RBFOX3: variants seen among roughly 807,000 people sequenced by gnomAD.
RBFOX3 encodes the protein RNA binding fox-1 homolog 3.
A neutral mutation model predicts 48.7 loss-of-function variants in RBFOX3; 17 were observed. That is an observed-to-expected ratio of 0.35 (90% CI 0.24 to 0.52). The LOEUF is 0.52. RBFOX3 is among the 20% of genes least tolerant of loss of function. RBFOX3 has a pLI of 0.94. For missense variants in RBFOX3, 382 were observed against 497.5 expected (o/e 0.77, Z 2.21); for synonymous variants, 212 against 209.5 (o/e 1.01, Z -0.10).
intron 2 of RBFOX3, among the ~76,000 whole-genome samples, chr17:79,336,241 G>T (rs1409214706): frequency 6.6e-6 from 1 of 152,010 alleles, no homozygotes; most frequent in Non-Finnish European, 1.5e-5. Context: ...ACAAAACTTA[G>T]CCGGGCATGG....
chr17:79,245,355 C>A (rs139882890), intron 3 of RBFOX3, among the ~76,000 whole-genome samples: 1 of 152,138 alleles, frequency 6.6e-6, no homozygotes, highest in Non-Finnish European at 1.5e-5. Flanking sequence ...CGAGAAAGAC[C>A]GTTCAGACCA....
intron 4 of RBFOX3, among the ~76,000 whole-genome samples, chr17:79,122,506 T>C (rs2036023439): frequency 6.6e-6 from 1 of 152,210 alleles, no homozygotes; most frequent in Non-Finnish European, 1.5e-5. Context: ...TACACTGAGA[T>C]ATCATCTCAC....
At chr17:79,208,789 T>A (rs938583730) in intron 4 of RBFOX3, among the ~76,000 whole-genome samples, 10 of 151,224 alleles carry the variant, frequency 6.6e-5, no homozygotes, top group Admixed American at 1.3e-4. Flanking sequence ...CTCACTCCCA[T>A]CTCCACCCTG....
At chr17:79,279,186 C>A (rs561302596) in intron 3 of RBFOX3, among the ~76,000 whole-genome samples, 37 of 151,932 alleles carry the variant, frequency 2.4e-4, no homozygotes, top group African/African-American at 8.9e-4. Context: ...GAGGTGTTCA[C>A]GGGGTCTTAA....
At chr17:79,312,925 C>G (rs565897865) in intron 2 of RBFOX3, among the ~76,000 whole-genome samples, 1 of 152,058 alleles carries the variant, frequency 6.6e-6, no homozygotes, top group African/African-American at 2.4e-5. Context: ...ACAGTGGGAC[C>G]GAGGGAAGCC....
intron 3 of RBFOX3, among the ~76,000 whole-genome samples, chr17:79,238,385 C>G (rs749360138): frequency 1.1e-4 from 17 of 152,262 alleles, no homozygotes; most frequent in Admixed American, 3.3e-4. Context: ...AAGGGTACGT[C>G]TGTGGCTCTG....
At chr17:79,154,853 A>T (rs2045413669) in intron 4 of RBFOX3, among the ~76,000 whole-genome samples, 1 of 152,162 alleles carries the variant, frequency 6.6e-6, no homozygotes, top group Admixed American at 6.5e-5. Flanking sequence ...CCTCCCAGGC[A>T]CCTGCACAGG....
intron 14 of RBFOX3, chr17:79,092,061 GGGA>G: frequency 1.0e-6 from 1 of 985,510 alleles, no homozygotes; most frequent in Non-Finnish European, 1.2e-6. Flanking sequence ...CCTCAGGCCG[GGGA>G]GACCCACACT....
chr17:79,431,781 G>A (rs1019963387), intron 2 of RBFOX3, among the ~76,000 whole-genome samples: 5 of 152,162 alleles, frequency 3.3e-5, no homozygotes, highest in South Asian at 2.1e-4. Flanking sequence ...CACAGCGCCC[G>A]GCCCACATTT....
At chr17:79,466,663 C>G (rs1466791459) in intron 2 of RBFOX3, among the ~76,000 whole-genome samples, 1 of 151,994 alleles carries the variant, frequency 6.6e-6, no homozygotes, top group Non-Finnish European at 1.5e-5. Flanking sequence ...AATGAAAGTC[C>G]CACACACACA....
chr17:79,374,352 T>C lies in RBFOX3; in HGVS notation c.-174-66528A>G, dbSNP rs1156706197. On this transcript the variant is annotated intron_variant, in intron 2 of 14. Coordinates refer to ENST00000693108, the MANE Select transcript of RBFOX3 (RefSeq NM_001350451.2). ...GAGGGGGCTGGTGTGTGGGTGGTGG[T>C]GCGGGGGCAGGCTGCTCTGTGTCCA... 4.6e-5 allele frequency among the ~76,000 whole-genome samples: 7 copies of C among 152,246 alleles called. No homozygotes were observed. In the East Asian group the frequency reaches 5.8e-4, roughly 13 times the overall value.
chr17:79,372,809 C>A (rs112982169), intron 2 of RBFOX3, among the ~76,000 whole-genome samples: 2 of 152,194 alleles, frequency 1.3e-5, no homozygotes, highest in Non-Finnish European at 2.9e-5. Context: ...GGTAGAGCTG[C>A]GTGTCCAACT....
At chr17:79,376,876 C>T (rs2059284903) in intron 2 of RBFOX3, among the ~76,000 whole-genome samples, 1 of 152,116 alleles carries the variant, frequency 6.6e-6, no homozygotes, top group South Asian at 2.1e-4. Context: ...CCCTGGAACC[C>T]CGAGATGTGG....
At chr17:79,319,327 G>A (rs891619903) in intron 2 of RBFOX3, among the ~76,000 whole-genome samples, 4 of 152,232 alleles carry the variant, frequency 2.6e-5, no homozygotes, top group Admixed American at 2.0e-4. Context: ...GGCGAGGAAG[G>A]TAGGAGATGC....
At chr17:79,251,957 C>T (rs1027244766) in intron 3 of RBFOX3, among the ~76,000 whole-genome samples, 2 of 152,166 alleles carry the variant, frequency 1.3e-5, no homozygotes, top group Non-Finnish European at 2.9e-5. Context: ...AAAGACTGAG[C>T]CCTCTCACTC....
chr17:79,530,100 C>A (rs2060874542), intron 1 of RBFOX3, among the ~76,000 whole-genome samples: 1 of 152,128 alleles, frequency 6.6e-6, no homozygotes, highest in African/African-American at 2.4e-5. Context: ...ATGGAAGGGG[C>A]TTTTTAATGA....
chr17:79,294,934 G>A (rs769145638), intron 3 of RBFOX3, among the ~76,000 whole-genome samples: 6 of 152,204 alleles, frequency 3.9e-5, no homozygotes, highest in Non-Finnish European at 7.3e-5. Context: ...TTGTCCATAA[G>A]AGGAAGAGAT....
At chr17:79,291,610 C>T (rs1229486588) in intron 3 of RBFOX3, among the ~76,000 whole-genome samples, 1 of 152,196 alleles carries the variant, frequency 6.6e-6, no homozygotes. Context: ...GCATCAGTAA[C>T]AGGGTCTGCA....
At chr17:79,227,018 G>A (rs965299825) in intron 4 of RBFOX3, among the ~76,000 whole-genome samples, 6 of 152,224 alleles carry the variant, frequency 3.9e-5, no homozygotes, top group African/African-American at 1.4e-4. Flanking sequence ...AGAAGCAGCA[G>A]AAGGCTGCGG....
Sources: gnomAD v4.1 joint callset for allele counts (sites outside exome capture counted in the v4.1 genomes callset) on GRCh38, gnomAD v4.1.1 for gene constraint, MANE v1.5 for transcripts, NCBI Gene and HGNC (gene_info 2026-07-23, HGNC 2026-07-21) for gene names.